EFNA5: variants seen among roughly 807,000 people sequenced by gnomAD.
The protein encoded by EFNA5 is ephrin-A5.
EFNA5 carries 5 observed loss-of-function variants against 22.9 expected under a neutral mutation model. That is an observed-to-expected ratio of 0.22 (90% CI 0.11 to 0.46). The LOEUF (loss-of-function observed/expected upper bound fraction) is 0.46. EFNA5 is among the 20% of genes least tolerant of loss of function. EFNA5 has a pLI of 0.99. For missense variants in EFNA5, 237 were observed against 293.3 expected (o/e 0.81, Z 1.40); for synonymous variants, 113 against 112.2 (o/e 1.01, Z -0.04).
chr5:107,406,339 G>A (rs763185025), intron 2 of EFNA5, among the ~76,000 whole-genome samples: 13 of 151,774 alleles, frequency 8.6e-5, no homozygotes, highest in East Asian at 1.9e-4. Flanking sequence ...ACATGTCTAC[G>A]TTCCTTTCCC....
intron 1 of EFNA5, among the ~76,000 whole-genome samples, chr5:107,493,303 C>T (rs549909430): frequency 5.9e-5 from 9 of 151,824 alleles, no homozygotes; most frequent in African/African-American, 2.2e-4. Flanking sequence ...TTCAGCCAAC[C>T]CCTAAGGCAT....
At chr5:107,420,468 A>G (rs541359597) in intron 2 of EFNA5, among the ~76,000 whole-genome samples, 1 of 148,934 alleles carries the variant, frequency 6.7e-6, no homozygotes, top group South Asian at 2.1e-4. Flanking sequence ...AGCTAGTAAG[A>G]GCACAGAAAG....
chr5:107,540,193 C>T (rs1283643884), intron 1 of EFNA5, among the ~76,000 whole-genome samples: 1 of 152,088 alleles, frequency 6.6e-6, no homozygotes, highest in African/African-American at 2.4e-5. Flanking sequence ...ACACAAAGGG[C>T]ATAACATTCT....
At chr5:107,396,968 T>C (rs953169125) in intron 2 of EFNA5, among the ~76,000 whole-genome samples, 3 of 152,116 alleles carry the variant, frequency 2.0e-5, no homozygotes, top group Non-Finnish European at 2.9e-5. Context: ...TACCCAGACA[T>C]GACAGTGATG....
intron 1 of EFNA5, among the ~76,000 whole-genome samples, chr5:107,637,143 T>C (rs187705788): frequency 1.3e-5 from 2 of 152,276 alleles, no homozygotes; most frequent in Admixed American, 1.3e-4. Flanking sequence ...CCAATGACAG[T>C]AAATGAGTTC....
chr5:107,644,641 A>C (rs1229857301), intron 1 of EFNA5, among the ~76,000 whole-genome samples: 2 of 152,198 alleles, frequency 1.3e-5, no homozygotes, highest in Non-Finnish European at 2.9e-5. Flanking sequence ...CTCAATCAAG[A>C]GTTTAAGAAG....
At chr5:107,450,916 G>A (rs180758556) in intron 1 of EFNA5, among the ~76,000 whole-genome samples, 14 of 152,270 alleles carry the variant, frequency 9.2e-5, no homozygotes, top group African/African-American at 2.9e-4. Context: ...GCTTTTCATC[G>A]TCTTTAGACA....
Position 107,453,719 on chromosome 5 carries a change from A to G in EFNA5, c.126-26210T>C, listed in dbSNP as rs572277128. 3.3e-5 allele frequency among the ~76,000 whole-genome samples: 5 copies of G among 152,290 alleles called. No homozygotes were observed. In the South Asian group the frequency reaches 1.0e-3, roughly 32 times the overall value. On this transcript the variant is annotated intron_variant, in intron 1 of 4. Coordinates refer to ENST00000333274, the MANE Select transcript of EFNA5 (RefSeq NM_001962.3). The stretch of plus-strand genomic sequence containing the variant: ...AAATCACAAATTCAAGCAATGCCAG[A>G]GATGAAAGGAAGACCTTAGCAGCAG...
chr5:107,655,024 A>G (rs913171427), intron 1 of EFNA5, among the ~76,000 whole-genome samples: 3 of 150,982 alleles, frequency 2.0e-5, no homozygotes, highest in African/African-American at 2.4e-5. Flanking sequence ...AAAAAAAAAA[A>G]TGCTGAGTAA....
At position 107,548,780 on chromosome 5, in the gene EFNA5, T is replaced by A. The variant is rs569135059; in HGVS notation, c.126-121271A>T. Among the ~76,000 whole-genome samples the A allele has an allele frequency of 9.2e-5, 14 of 152,296 alleles. No individual in the cohort carries two copies. The East Asian group carries it at 2.7e-3, about 29-fold the overall frequency. On this transcript the variant is annotated intron_variant, in intron 1 of 4. Transcript: ENST00000333274. The stretch of plus-strand genomic sequence containing the variant: ...TCTGTAGGAAGCAGTCTTTCAAAGG[T>A]GTGTTGGCTTTGGTGGATTATGGTG...
At chr5:107,575,460 G>C (rs1378659868) in intron 1 of EFNA5, among the ~76,000 whole-genome samples, 3 of 152,110 alleles carry the variant, frequency 2.0e-5, no homozygotes, top group African/African-American at 7.2e-5. Flanking sequence ...AACCCACCAA[G>C]ACTGCTTTTC....
At chr5:107,641,164 C>T (rs2112544362) in intron 1 of EFNA5, among the ~76,000 whole-genome samples, 1 of 152,170 alleles carries the variant, frequency 6.6e-6, no homozygotes, top group East Asian at 1.9e-4. Context: ...TCGAGACCAG[C>T]CTGGGCAACA....
chr5:107,630,637 T>C (rs974915971), intron 1 of EFNA5, among the ~76,000 whole-genome samples: 9 of 152,150 alleles, frequency 5.9e-5, no homozygotes, highest in African/African-American at 2.2e-4. Flanking sequence ...CTGTAGACTT[T>C]ATGAACACTG....
chr5:107,650,105 T>C (rs777913689), intron 1 of EFNA5, among the ~76,000 whole-genome samples: 5 of 152,124 alleles, frequency 3.3e-5, no homozygotes, highest in Non-Finnish European at 5.9e-5. Context: ...TAAACTATAG[T>C]ATAACTCATA....
intron 2 of EFNA5, among the ~76,000 whole-genome samples, chr5:107,399,358 A>T: frequency 6.7e-6 from 1 of 149,848 alleles, no homozygotes. Context: ...AGGAAAGGAA[A>T]GGAAAGGAAG....
chr5:107,669,622 A>C (rs1296275191), intron 1 of EFNA5, among the ~76,000 whole-genome samples: 1 of 151,934 alleles, frequency 6.6e-6, no homozygotes, highest in Non-Finnish European at 1.5e-5. Flanking sequence ...CCCGGCGCCC[A>C]CCTCTAGTCT....
At chr5:107,422,633 G>A (rs761905588) in intron 2 of EFNA5, among the ~76,000 whole-genome samples, 3 of 152,240 alleles carry the variant, frequency 2.0e-5, no homozygotes, top group Admixed American at 1.3e-4. Context: ...AGGAGGGCTG[G>A]CAGCTGAGTA....
At chr5:107,404,282 T>G (rs1350235953) in intron 2 of EFNA5, among the ~76,000 whole-genome samples, 3 of 152,224 alleles carry the variant, frequency 2.0e-5, no homozygotes, top group African/African-American at 7.2e-5. Flanking sequence ...TTTTTAGGAA[T>G]TAATAACAAG....
Position 107,427,452 on chromosome 5 carries a change from G to C in EFNA5, c.183C>G (p.Phe61Leu). ...DVCINDYLDV[F>L]CPHYEDSVPE... ...GGACGGAGTCCTCATAGTGAGGGCA[G>C]AAAACATCCAGGTAGTCATTGATAC... is the stretch of plus-strand genomic sequence containing the variant. The change falls in exon 2 of 5, where the codon TTC becomes TTG. Residue 61 changes from phenylalanine (F) to leucine (L), a missense_variant. Coordinates refer to ENST00000333274, the MANE Select transcript of EFNA5 (RefSeq NM_001962.3). The C allele has an allele frequency of 3.1e-6, 5 of 1,613,910 alleles. No individual in the cohort carries two copies. Among genetic ancestry groups the C allele is most frequent in the Non-Finnish European group, 4.2e-6 (5 of 1,179,968 alleles).
Sources: allele counts gnomAD v4.1 joint callset (sites outside exome capture counted in the v4.1 genomes callset), GRCh38; gene constraint gnomAD v4.1.1; transcripts MANE v1.5; gene names NCBI Gene and HGNC (gene_info 2026-07-23, HGNC 2026-07-21).